EGFR: variants seen among roughly 807,000 people sequenced by gnomAD.
EGFR encodes avian erythroblastic leukemia viral (v-erb-b) oncogene homolog.
A neutral mutation model predicts 143.0 loss-of-function variants in EGFR; 58 were observed. The observed-to-expected ratio is 0.41, with a 90% confidence interval of 0.33 to 0.50. The LOEUF (loss-of-function observed/expected upper bound fraction) is 0.50, where lower values mean the gene tolerates loss of function less well. EGFR is among the 20% of genes least tolerant of loss of function. EGFR has a pLI of 0.39. For synonymous variants in EGFR, 613 were observed against 594.4 expected (o/e 1.03, Z -0.45); for missense variants, 1,307 against 1,579.0 (o/e 0.83, Z 2.92).
intron 1 of EGFR, among the ~76,000 whole-genome samples, chr7:55,126,365 G>T (rs1159965094): frequency 6.6e-6 from 1 of 152,228 alleles, no homozygotes; most frequent in African/African-American, 2.4e-5. Flanking sequence ...TGACCTAGAT[G>T]CTCTTCTGGG....
intron 18 of EGFR, among the ~76,000 whole-genome samples, chr7:55,174,378 C>T (rs1422903224): frequency 6.6e-6 from 1 of 152,218 alleles, no homozygotes; most frequent in Non-Finnish European, 1.5e-5. Flanking sequence ...GGCTCATCTT[C>T]GTTTGCTTCT....
At chr7:55,080,558 G>T (rs1790403545) in intron 1 of EGFR, among the ~76,000 whole-genome samples, 1 of 152,120 alleles carries the variant, frequency 6.6e-6, no homozygotes, top group Non-Finnish European at 1.5e-5. Flanking sequence ...AGCTTGGGGA[G>T]ATTTGGTGAA....
intron 1 of EGFR, among the ~76,000 whole-genome samples, chr7:55,089,939 CTTAT>C (rs201718066): frequency 0.44 from 64,125 of 144,716 alleles, 15,582 homozygotes; most frequent in African/African-American, 0.62. Context: ...GGTGATGCTA[CTTAT>C]TTATTTATTT....
At chr7:55,162,175 G>A (rs1258191717) in intron 13 of EGFR, among the ~76,000 whole-genome samples, 7 of 152,236 alleles carry the variant, frequency 4.6e-5, no homozygotes, top group South Asian at 2.1e-4. Context: ...AATAAAAAGT[G>A]CAGTTTGTGA....
At chr7:55,174,555 C>T (rs1786504896) in intron 18 of EGFR, among the ~76,000 whole-genome samples, 167 bp from the exon 19 acceptor site, 1 of 152,216 alleles carries the variant, frequency 6.6e-6, no homozygotes, top group Admixed American at 6.5e-5. Flanking sequence ...TGCAGGGCTG[C>T]GGGGGCGTCA....
chr7:55,113,602 GA>G (rs796115538), intron 1 of EGFR, among the ~76,000 whole-genome samples: 3 of 152,014 alleles, frequency 2.0e-5, no homozygotes, highest in African/African-American at 7.2e-5. Flanking sequence ...GATCGATAAG[GA>G]AAAAAATCAT....
intron 11 of EGFR, among the ~76,000 whole-genome samples, chr7:55,158,087 C>A (rs760425330): frequency 2.0e-5 from 3 of 152,224 alleles, no homozygotes; most frequent in Admixed American, 1.3e-4. Context: ...GGCCTTGACA[C>A]TTACAAAACG....
chr7:55,026,649 C>T (rs776696307), intron 1 of EGFR, among the ~76,000 whole-genome samples: 40 of 152,258 alleles, frequency 2.6e-4, no homozygotes, highest in South Asian at 1.9e-3. Flanking sequence ...TCTCTCTGGC[C>T]GGAAAGATGC....
chr7:55,156,507 A>G (rs2128938076), intron 8 of EGFR, 26 bp from the exon 9 acceptor site: 1 of 1,614,022 alleles, frequency 6.2e-7, no homozygotes, highest in Non-Finnish European at 8.5e-7. Context: ...ATGTGAACGG[A>G]ATACACGTCT....
intron 1 of EGFR, among the ~76,000 whole-genome samples, chr7:55,032,412 A>C (rs921752471): frequency 6.6e-6 from 1 of 152,238 alleles, no homozygotes; most frequent in East Asian, 1.9e-4. Context: ...ATTTATTTCA[A>C]AAAGAGTTTG....
At chr7:55,117,063 T>C (rs1167489126) in intron 1 of EGFR, among the ~76,000 whole-genome samples, 1 of 152,176 alleles carries the variant, frequency 6.6e-6, no homozygotes, top group African/African-American at 2.4e-5. Context: ...TTGAAAGATA[T>C]TGCCAAAACA....
intron 1 of EGFR, among the ~76,000 whole-genome samples, chr7:55,090,862 T>C (rs1159581271): frequency 6.6e-6 from 1 of 152,250 alleles, no homozygotes; most frequent in Admixed American, 6.5e-5. Context: ...ATTTTAACCA[T>C]GAAGAACTGA....
At chr7:55,034,431 A>T (rs553207118) in intron 1 of EGFR, among the ~76,000 whole-genome samples, 1 of 152,136 alleles carries the variant, frequency 6.6e-6, no homozygotes, top group East Asian at 1.9e-4. Context: ...ACAGGGTTTC[A>T]CCATGTTGGC....
intron 20 of EGFR, 123 bp downstream of exon 20, chr7:55,181,601 A>C (rs2128959179): frequency 1.8e-6 from 2 of 1,138,606 alleles, no homozygotes; most frequent in Non-Finnish European, 2.6e-6. Flanking sequence ...TGCAGCACAC[A>C]CACATTCCTT....
chr7:55,136,562 CAT>C (rs1388617065), intron 1 of EGFR, among the ~76,000 whole-genome samples: 3 of 152,212 alleles, frequency 2.0e-5, no homozygotes, highest in South Asian at 4.1e-4. Flanking sequence ...TATATATACA[CAT>C]ATGTGTACAC....
chr7:55,023,617 C>T (rs1248369099), intron 1 of EGFR, among the ~76,000 whole-genome samples: 1 of 145,796 alleles, frequency 6.9e-6, no homozygotes, highest in Non-Finnish European at 1.5e-5. Flanking sequence ...CACCATTGCA[C>T]TCCAGCCCGC....
At chr7:55,099,934 C>G (rs10256152) in intron 1 of EGFR, among the ~76,000 whole-genome samples, 2,046 of 152,214 alleles carry the variant, frequency 0.013, 47 homozygotes, top group African/African-American at 0.047. Flanking sequence ...AGAACCGATG[C>G]ATCAAATGTG....
chr7:55,077,264 G>T (rs777647617), intron 1 of EGFR, among the ~76,000 whole-genome samples: 2 of 152,138 alleles, frequency 1.3e-5, no homozygotes, highest in African/African-American at 4.8e-5. Context: ...AGACATCAGT[G>T]TGCCTAGCAC....
chr7:55,099,722 C>A (rs1791690094), intron 1 of EGFR, among the ~76,000 whole-genome samples: 4 of 152,122 alleles, frequency 2.6e-5, no homozygotes, highest in Admixed American at 2.6e-4. Flanking sequence ...GTGCCGACAG[C>A]TCTGGGCACC....
Sources: gnomAD v4.1 joint callset for allele counts (sites outside exome capture counted in the v4.1 genomes callset) on GRCh38, gnomAD v4.1.1 for gene constraint, MANE v1.5 for transcripts, NCBI Gene and HGNC (gene_info 2026-07-23, HGNC 2026-07-21) for gene names.